The following CPNE4 variants were observed in gnomAD, a reference collection of about 807,000 sequenced individuals.
CPNE4 encodes copine 4.
In CPNE4, 25 loss-of-function variants were observed where a neutral mutation model predicts 67.9. The ratio of observed to expected loss-of-function variants is 0.37; its 90% CI spans 0.27 to 0.51. CPNE4 has a LOEUF of 0.51. Ranked by LOEUF, CPNE4 falls within the 20% of genes least tolerant of loss-of-function variation. The pLI is 0.93. For synonymous variants in CPNE4, 242 were observed against 244.9 expected (o/e 0.99, Z 0.11); for missense variants, 464 against 690.8 (o/e 0.67, Z 3.68).
intron 10 of CPNE4, among the ~76,000 whole-genome samples, chr3:131,570,070 A>G (rs1468970831): frequency 6.6e-6 from 1 of 151,824 alleles, no homozygotes; most frequent in Non-Finnish European, 1.5e-5. Flanking sequence ...TCTAAACCTT[A>G]GAATTATAAT....
chr3:131,844,573 A>G lies in CPNE4; in HGVS notation c.180+60691T>C, dbSNP rs531407840. Among the ~76,000 whole-genome samples the G allele has an allele frequency of 3.3e-5, 5 of 152,250 alleles. No homozygotes were observed. The South Asian group carries it at 1.0e-3, about 32-fold the overall frequency. ...CCAGCCCATCTCTGTATGTTCTTATATGCAATGTTTTCCTCACTTCTTTCA... is the reference window on the plus strand; with the variant it reads ...CCAGCCCATCTCTGTATGTTCTTATGTGCAATGTTTTCCTCACTTCTTTCA... On this transcript the variant is annotated intron_variant, in intron 2 of 15. Transcript: ENST00000429747.
intron 1 of CPNE4, among the ~76,000 whole-genome samples, chr3:132,006,965 A>C (rs1428344911): frequency 6.6e-6 from 1 of 152,132 alleles, no homozygotes; most frequent in Admixed American, 6.6e-5. Flanking sequence ...CCCTGCTGAG[A>C]AGCTGAGCCT....
chr3:131,955,420 T>TTG (rs1375221360), intron 1 of CPNE4, among the ~76,000 whole-genome samples: 1 of 131,576 alleles, frequency 7.6e-6, no homozygotes, highest in African/African-American at 2.9e-5. Flanking sequence ...GTTTTTTTTT[T>TTG]TTTTTTTTTT....
intron 7 of CPNE4, among the ~76,000 whole-genome samples, chr3:131,642,791 G>A (rs140882404): frequency 3.5e-4 from 54 of 152,198 alleles, no homozygotes; most frequent in African/African-American, 1.3e-3. Context: ...TGTCATAATT[G>A]TAAGTTTCCT....
intron 2 of CPNE4, among the ~76,000 whole-genome samples, chr3:131,883,115 GC>G (rs1276440164): frequency 6.6e-6 from 1 of 152,068 alleles, no homozygotes; most frequent in East Asian, 1.9e-4. Context: ...AGAACTTATA[GC>G]CTATAAATAA....
At chr3:131,846,613 C>G (rs1329878643) in intron 2 of CPNE4, among the ~76,000 whole-genome samples, 1 of 152,142 alleles carries the variant, frequency 6.6e-6, no homozygotes, top group Non-Finnish European at 1.5e-5. Flanking sequence ...ATGAATCAGA[C>G]AGAATTTATT....
intron 10 of CPNE4, among the ~76,000 whole-genome samples, chr3:131,572,295 G>A (rs1022994078): frequency 6.6e-6 from 1 of 152,056 alleles, no homozygotes; most frequent in Admixed American, 6.6e-5. Context: ...ATGTGGAAAA[G>A]GTTAATGGAA....
At chr3:131,958,609 CTTTTTTTTTTTTTTTTTTTT>C (rs748126986) in intron 1 of CPNE4, among the ~76,000 whole-genome samples, 4 of 96,034 alleles carry the variant, frequency 4.2e-5, no homozygotes, top group East Asian at 2.7e-4. Flanking sequence ...TCTTTCTTTT[CTTTTTTTTTTTTTTTTTTTT>C]TTTTTTTTTT....
chr3:131,699,842 T>G, intron 4 of CPNE4, 67 bp downstream of exon 4: 2 of 1,325,272 alleles, frequency 1.5e-6, no homozygotes, highest in Non-Finnish European at 2.1e-6. Flanking sequence ...AAGTGTCTGG[T>G]TTGGGCTGGC....
rs1164966544 is a variant in CPNE4 at position 131,940,122 on chromosome 3, G to C, written c.-1-34678C>G. Among the ~76,000 whole-genome samples, 4 of 152,066 alleles carry C rather than the reference G, an allele frequency of 2.6e-5. No individual in the cohort carries two copies. The East Asian group carries it at 7.7e-4, about 29-fold the overall frequency. ...TAATAATATTATGTTCAACTGGCAA[G>C]TGTAATTCCCCACAACTAATTCATG... is the stretch of plus-strand genomic sequence containing the variant. On this transcript the variant is annotated intron_variant, in intron 1 of 15. Transcript: ENST00000429747.
At chr3:131,986,786 G>A (rs1419672792) in intron 1 of CPNE4, among the ~76,000 whole-genome samples, 1 of 146,634 alleles carries the variant, frequency 6.8e-6, no homozygotes, top group Admixed American at 6.9e-5. Flanking sequence ...AGCCAAGATT[G>A]CGCCACTGCA....
chr3:131,793,267 C>T (rs1326470828), intron 2 of CPNE4, among the ~76,000 whole-genome samples: 5 of 152,104 alleles, frequency 3.3e-5, no homozygotes, highest in Non-Finnish European at 7.4e-5. Flanking sequence ...TTTCCTCTTT[C>T]AATCCATCTT....
intron 2 of CPNE4, among the ~76,000 whole-genome samples, chr3:131,778,409 C>A (rs2083346034): frequency 6.6e-6 from 1 of 152,042 alleles, no homozygotes; most frequent in Non-Finnish European, 1.5e-5. Flanking sequence ...CTGGCACTTA[C>A]AAGTGATGTG....
chr3:131,605,894 T>G (rs1939472118), intron 7 of CPNE4, among the ~76,000 whole-genome samples: 1 of 152,154 alleles, frequency 6.6e-6, no homozygotes, highest in Non-Finnish European at 1.5e-5. Context: ...GGCCAAGGAA[T>G]AGTTTAATAT....
At chr3:131,650,351 T>C (rs1288822719) in intron 7 of CPNE4, among the ~76,000 whole-genome samples, 1 of 152,094 alleles carries the variant, frequency 6.6e-6, no homozygotes, top group African/African-American at 2.4e-5. Context: ...ACATGACTAC[T>C]AGAGGGTGAG....
intron 1 of CPNE4, among the ~76,000 whole-genome samples, chr3:131,978,017 CT>C (rs1353404582): frequency 1.5e-5 from 2 of 131,430 alleles, no homozygotes; most frequent in East Asian, 2.1e-4. Context: ...TAATTCATTC[CT>C]TTTTTATGGC....
intron 1 of CPNE4, among the ~76,000 whole-genome samples, chr3:131,919,202 A>T (rs876423): frequency 2.6e-5 from 4 of 151,984 alleles, no homozygotes; most frequent in Non-Finnish European, 5.9e-5. Flanking sequence ...AATAGTGAAG[A>T]GGATTGATGA....
At chr3:131,653,492 T>C (rs2079868982) in intron 7 of CPNE4, among the ~76,000 whole-genome samples, 1 of 152,104 alleles carries the variant, frequency 6.6e-6, no homozygotes, top group Admixed American at 6.6e-5. Context: ...AGCCTTGCCC[T>C]CATGCAATTC....
chr3:131,863,254 T>A (rs1313260517), intron 2 of CPNE4, among the ~76,000 whole-genome samples: 1 of 152,182 alleles, frequency 6.6e-6, no homozygotes, highest in Non-Finnish European at 1.5e-5. Flanking sequence ...AAATGGTATT[T>A]CTAGTACTAG....
Sources: allele counts gnomAD v4.1 joint callset (sites outside exome capture counted in the v4.1 genomes callset), GRCh38; gene constraint gnomAD v4.1.1; transcripts MANE v1.5; gene names NCBI Gene and HGNC (gene_info 2026-07-23, HGNC 2026-07-21).